Variants in TTLL11 observed in about 807,000 individuals in gnomAD.
TTLL11 encodes the protein tubulin polyglutamylase TTLL11.
Under a neutral mutation model 51.7 loss-of-function variants are expected in TTLL11, and 42 were observed. The ratio of observed to expected loss-of-function variants is 0.81; its 90% CI spans 0.64 to 1.05. The LOEUF is 1.05. TTLL11 is among the 50% of genes least tolerant of loss of function. The pLI, the probability that TTLL11 is intolerant of heterozygous loss-of-function variation, is 0.00. For synonymous variants in TTLL11, 381 were observed against 383.5 expected, an observed-to-expected ratio of 0.99 and a Z score of 0.08; for missense variants, 799 against 940.4, an observed-to-expected ratio of 0.85 and a Z score of 1.97.
intron 6 of TTLL11, among the ~76,000 whole-genome samples, chr9:121,893,577 CA>C (rs943820277): frequency 6.6e-6 from 1 of 152,158 alleles, no homozygotes; most frequent in Admixed American, 6.5e-5. Context: ...TTTCTGTTAT[CA>C]AAACATGTCC....
At chr9:121,964,691 C>T (rs1481483905) in intron 6 of TTLL11, among the ~76,000 whole-genome samples, 1 of 152,158 alleles carries the variant, frequency 6.6e-6, no homozygotes, top group Non-Finnish European at 1.5e-5. Context: ...ATGCACCCAT[C>T]CCTCCTGCCT....
At chr9:121,959,356 G>A (rs1357547799) in intron 6 of TTLL11, among the ~76,000 whole-genome samples, 8 of 152,118 alleles carry the variant, frequency 5.3e-5, no homozygotes, top group Middle Eastern at 3.2e-3. Context: ...ACCTCCTCAT[G>A]AGCCCCCGGC....
intron 7 of TTLL11, among the ~76,000 whole-genome samples, chr9:121,862,174 G>GC (rs1305370927): frequency 6.6e-6 from 1 of 151,062 alleles, no homozygotes; most frequent in African/African-American, 2.4e-5. Flanking sequence ...CCCCTCCCCA[G>GC]CTTTTTTTTT....
At chr9:121,992,180 G>A (rs1843134127) in intron 3 of TTLL11, among the ~76,000 whole-genome samples, 1 of 152,130 alleles carries the variant, frequency 6.6e-6, no homozygotes, top group Non-Finnish European at 1.5e-5. Flanking sequence ...TTCCTTGCTT[G>A]TTAAAGCGCA....
intron 6 of TTLL11, among the ~76,000 whole-genome samples, chr9:121,881,256 C>A (rs1838777179): frequency 6.6e-6 from 1 of 152,150 alleles, no homozygotes; most frequent in African/African-American, 2.4e-5. Context: ...CAGTTCTGTA[C>A]CAAAGTATAG....
chr9:122,005,607 A>G (rs527820285), intron 3 of TTLL11, among the ~76,000 whole-genome samples: 2 of 152,346 alleles, frequency 1.3e-5, no homozygotes, highest in Non-Finnish European at 2.9e-5. Context: ...AGGGAGACAG[A>G]CCAGGTCCAT....
chr9:122,082,268 C>T (rs1846018869), intron 1 of TTLL11, among the ~76,000 whole-genome samples: 1 of 152,086 alleles, frequency 6.6e-6, no homozygotes, highest in African/African-American at 2.4e-5. Flanking sequence ...CTTTGGGAGG[C>T]CAAGGGAGGC....
rs1031066739 is a variant in TTLL11, at chr9:121,815,884, C to T, written c.*6703G>A. On this transcript the variant is annotated 3_prime_UTR_variant, in exon 9 of 9. Transcript: ENST00000321582. ...GCACAGAGCGGAGGGGGCTGGAGCA[C>T]GTGGGGCCTCTCACCAGACCTCCAG... The T allele has an allele frequency of 2.0e-5, 3 of 152,168 alleles. No individual in the cohort carries two copies. Among genetic ancestry groups the T allele is most frequent in the Non-Finnish European group, 2.9e-5 (2 of 68,032 alleles). The allele number at this position is 152,168 out of a possible 1,614,324, so 9.4% of individuals were successfully genotyped here.
intron 6 of TTLL11, among the ~76,000 whole-genome samples, chr9:121,925,050 C>T (rs962429371): frequency 2.6e-5 from 4 of 152,152 alleles, no homozygotes; most frequent in Non-Finnish European, 5.9e-5. Context: ...GCGAGGAGAA[C>T]AGGCTCAGCT....
intron 8 of TTLL11, 130 bp from the exon 9 acceptor site, chr9:121,823,009 A>C: frequency 9.0e-7 from 1 of 1,113,320 alleles, no homozygotes; most frequent in African/African-American, 1.6e-5. Flanking sequence ...CATTCCAGAA[A>C]CTCCTAACAG....
intron 8 of TTLL11, among the ~76,000 whole-genome samples, chr9:121,847,996 T>A (rs1443634782): frequency 1.3e-5 from 2 of 151,172 alleles, no homozygotes; most frequent in African/African-American, 4.9e-5. Flanking sequence ...AGTCCAGGAG[T>A]TTGAGACCAG....
At chr9:121,894,913 G>T (rs1047852259) in intron 6 of TTLL11, among the ~76,000 whole-genome samples, 1 of 152,006 alleles carries the variant, frequency 6.6e-6, no homozygotes, top group South Asian at 2.1e-4. Flanking sequence ...TTAAAAAAGG[G>T]TTAAAAAATT....
chr9:121,837,903 CG>C (rs1837225091), intron 8 of TTLL11, among the ~76,000 whole-genome samples: 1 of 152,196 alleles, frequency 6.6e-6, no homozygotes, highest in Admixed American at 6.5e-5. Context: ...CCTGGAGACA[CG>C]GTCTTCCCAC....
chr9:121,954,665 C>T (rs1224031615), intron 6 of TTLL11, among the ~76,000 whole-genome samples: 2 of 135,766 alleles, frequency 1.5e-5, no homozygotes, highest in South Asian at 5.0e-4. Context: ...CAAGCACACA[C>T]ACACACACAG....
At chr9:121,881,295 G>A (rs1279698985) in intron 6 of TTLL11, among the ~76,000 whole-genome samples, 1 of 148,138 alleles carries the variant, frequency 6.8e-6, no homozygotes. Flanking sequence ...AATAAGTTGG[G>A]GGAAGCCATG....
At chr9:121,881,262 T>C (rs141795417) in intron 6 of TTLL11, among the ~76,000 whole-genome samples, 10 of 152,286 alleles carry the variant, frequency 6.6e-5, no homozygotes, top group Non-Finnish European at 1.0e-4. Context: ...TGTACCAAAG[T>C]ATAGGGCTAT....
At chr9:122,050,098 C>CAGT (rs1355769792) in intron 1 of TTLL11, among the ~76,000 whole-genome samples, 1 of 152,160 alleles carries the variant, frequency 6.6e-6, no homozygotes, top group African/African-American at 2.4e-5. Flanking sequence ...GAGACTCCAG[C>CAGT]AGTGACTTTG....
chr9:121,826,516 T>C (rs1410391738), intron 8 of TTLL11, among the ~76,000 whole-genome samples: 9 of 28,650 alleles, frequency 3.1e-4, no homozygotes, highest in East Asian at 3.8e-3. Flanking sequence ...TATATATATG[T>C]ATATATATAT....
At chr9:122,074,186 A>C (rs1341400045) in intron 1 of TTLL11, among the ~76,000 whole-genome samples, 1 of 151,874 alleles carries the variant, frequency 6.6e-6, no homozygotes, top group Non-Finnish European at 1.5e-5. Context: ...AGGCAGGAGA[A>C]TTGCTTGAAC....
Sources: gnomAD v4.1 joint callset for allele counts (sites outside exome capture counted in the v4.1 genomes callset) on GRCh38, gnomAD v4.1.1 for gene constraint, MANE v1.5 for transcripts, NCBI Gene and HGNC (gene_info 2026-07-23, HGNC 2026-07-21) for gene names.